Variants in MAX observed in about 807,000 individuals in gnomAD.
MAX encodes the protein protein max.
In MAX, 3 loss-of-function variants were observed where a neutral mutation model predicts 22.3. The observed-to-expected ratio is 0.13, with a 90% CI of 0.06 to 0.35. MAX has a LOEUF of 0.35. Ranked by LOEUF, MAX falls within the 10% of genes least tolerant of loss-of-function variation. MAX has a pLI of 1.00. For missense variants in MAX, 119 were observed against 209.4 expected (o/e 0.57, Z 2.66); for synonymous variants, 72 against 77.7 (o/e 0.93, Z 0.39).
intron 3 of MAX, among the ~76,000 whole-genome samples, chr14:65,038,617 C>T (rs1283158223): frequency 6.6e-6 from 1 of 152,006 alleles, no homozygotes; most frequent in Non-Finnish European, 1.5e-5. Flanking sequence ...ACTCAGGAGG[C>T]TGAGGCAGGA....
At chr14:65,101,156 A>T (rs1307405730) in intron 2 of MAX, among the ~76,000 whole-genome samples, 6 of 152,212 alleles carry the variant, frequency 3.9e-5, no homozygotes, top group Non-Finnish European at 8.8e-5. Flanking sequence ...ACACAATTAT[A>T]CAGATATGGT....
rs908372867 is a variant in MAX at position 65,047,736 on chromosome 14, C to G, written c.172-41452G>C. Among the ~76,000 whole-genome samples, 1 of 152,078 alleles carries G rather than the reference C, an allele frequency of 6.6e-6. No individual in the cohort carries two copies. The highest frequency in any genetic ancestry group is 6.6e-5 in the Admixed American group (1 of 15,258). On this transcript the variant is annotated intron_variant, in intron 3 of 3. Transcript: ENST00000341653. This position sits in a 1 kb window ranked among gnomAD's most constrained non-coding sequence, Gnocchi z 5.2. Reference sequence around the variant, plus strand: ...TTTCAATAGCAGCCTAAGTGCCTATCAAAAGGTTAAGGGTTAAATAATAAA... The same window carrying G: ...TTTCAATAGCAGCCTAAGTGCCTATGAAAAGGTTAAGGGTTAAATAATAAA...
In MAX at chr14:65,009,987, G is replaced by A. The variant is rs765849263; in HGVS notation, c.172-3703C>T. ...GCCCACACAGATGGGTGCTCCCTGCGTCCTGAGTGGACTTTCCTGAAAGAG... is the reference window on the plus strand; with the variant it reads ...GCCCACACAGATGGGTGCTCCCTGCATCCTGAGTGGACTTTCCTGAAAGAG... On this transcript the variant is annotated intron_variant, in intron 3 of 3. Coordinates refer to the MAX transcript ENST00000341653. The surrounding 1 kb of genome is among the most constrained non-coding windows in gnomAD (Gnocchi z 4.2). 3.3e-5 allele frequency among the ~76,000 whole-genome samples: 5 copies of A among 152,106 alleles called. No homozygotes were observed. Among genetic ancestry groups the A allele is most frequent in the South Asian group, 2.1e-4 (1 of 4,818 alleles).
At chr14:65,101,266 G>A (rs1287613035) in intron 2 of MAX, among the ~76,000 whole-genome samples, 4 of 152,112 alleles carry the variant, frequency 2.6e-5, no homozygotes, top group Non-Finnish European at 4.4e-5. Context: ...CTTACATAGT[G>A]GCATCTGGAT....
chr14:65,032,377 AG>A lies in MAX; in HGVS notation c.172-26094del. On this transcript the variant is annotated intron_variant, in intron 3 of 3. Transcript: ENST00000341653. This position sits in a 1 kb window ranked among gnomAD's most constrained non-coding sequence, Gnocchi z 5.0. ...GATGTAGATTGGACCATGTGGAGGT[AG>A]GGAGAATAGAATGTCATGTTCTTTC... The A allele has an allele frequency of 2.4e-6, 1 of 425,292 alleles. No homozygotes were observed. 26.3% of individuals were successfully genotyped at this position (425,292 alleles called of 1,614,324 possible).
chr14:65,099,936 T>G (rs140320776), intron 2 of MAX, among the ~76,000 whole-genome samples: 6 of 152,338 alleles, frequency 3.9e-5, no homozygotes, highest in African/African-American at 1.2e-4. Context: ...GTTTTCTTAA[T>G]GCCTATCTGC....
intron 3 of MAX, chr14:65,091,823 T>C (rs1004202595): frequency 8.5e-5 from 13 of 152,254 alleles, no homozygotes; most frequent in Admixed American, 3.3e-4. Flanking sequence ...TCTTACTTCA[T>C]TTTTTAATCA....
chr14:65,048,528 CA>C (rs1173470377), intron 3 of MAX, among the ~76,000 whole-genome samples: 1 of 152,124 alleles, frequency 6.6e-6, no homozygotes, highest in Non-Finnish European at 1.5e-5. Context: ...GTGTAAATGA[CA>C]GTATTTGAGT....
chr14:65,032,482 G>A lies in MAX; in HGVS notation c.172-26198C>T. On this transcript the variant is annotated intron_variant, in intron 3 of 3. Coordinates refer to the MAX transcript ENST00000341653. The surrounding 1 kb of genome is among the most constrained non-coding windows in gnomAD (Gnocchi z 5.0). ...TTGGAGACCCAGGAGGACTGACCGT[G>A]TGCCAAGAGTGAGGACAGGAGGTGA... 2 of 909,700 alleles carry A rather than the reference G, an allele frequency of 2.2e-6. No homozygotes were observed. Among genetic ancestry groups the A allele is most frequent in the South Asian group, 3.7e-5 (2 of 54,114 alleles). The allele number at this position is 909,700 out of a possible 1,614,324, so 56.4% of individuals were successfully genotyped here. A position where few individuals can be genotyped will look rare whatever the true frequency, so the allele number is the denominator to read the frequency against.
chr14:65,015,410 C>CT (rs888923691), intron 3 of MAX: 2,976 of 155,388 alleles, frequency 0.019, 25 homozygotes, highest in African/African-American at 0.035. Flanking sequence ...GCCTTGTTAT[C>CT]TTTTTTTTTT....
chr14:65,019,073 TGAG>T (rs2061836624), intron 3 of MAX, among the ~76,000 whole-genome samples: 8 of 152,148 alleles, frequency 5.3e-5, no homozygotes, highest in Admixed American at 4.6e-4. Flanking sequence ...CTCAGGAGGC[TGAG>T]GCAGGAGACT....
intron 3 of MAX, among the ~76,000 whole-genome samples, chr14:65,049,523 G>T (rs570943820): frequency 6.6e-6 from 1 of 152,266 alleles, no homozygotes; most frequent in Non-Finnish European, 1.5e-5. Context: ...GTGTGCTGGT[G>T]TCCAAATTCA....
chr14:65,075,105 G>A, downstream of MAX: 2 of 1,013,838 alleles, frequency 2.0e-6, no homozygotes, highest in Non-Finnish European at 2.4e-6. This position sits in a 1 kb window ranked among gnomAD's most constrained non-coding sequence, Gnocchi z 4.1. Context: ...CTTAACAAGG[G>A]TAAGAAGACA....
rs1372836736 is a variant in MAX at position 65,028,643 on chromosome 14, T to C, written c.172-22359A>G. ...TGTGGAGCATAAAATACATTACAGA[T>C]AATAGGTAATCAGGCTGCAAAGGCC... On this transcript the variant is annotated intron_variant, in intron 3 of 3. Transcript: ENST00000341653. The surrounding 1 kb of genome is among the most constrained non-coding windows in gnomAD (Gnocchi z 4.4). Among the ~76,000 whole-genome samples the C allele has an allele frequency of 6.6e-6, 1 of 152,176 alleles. No homozygotes were observed. The highest frequency in any genetic ancestry group is 1.5e-5 in the Non-Finnish European group (1 of 68,042).
intron 3 of MAX, among the ~76,000 whole-genome samples, chr14:65,019,874 A>T (rs1257895670): frequency 6.6e-6 from 1 of 152,222 alleles, no homozygotes; most frequent in Non-Finnish European, 1.5e-5. Flanking sequence ...CTTCTATATA[A>T]ATAGAAGATT....
intron 3 of MAX, among the ~76,000 whole-genome samples, chr14:65,089,020 T>C (rs1949605620): frequency 6.6e-6 from 1 of 152,194 alleles, no homozygotes; most frequent in Admixed American, 6.5e-5. Flanking sequence ...GCTCAGCATG[T>C]TATCTCATTA....
intron 3 of MAX, among the ~76,000 whole-genome samples, chr14:65,067,045 A>AC (rs2062938490): frequency 2.6e-5 from 4 of 151,040 alleles, no homozygotes; most frequent in Middle Eastern, 3.2e-3. Context: ...AATTAGTCGG[A>AC]TGCGGTGGCA....
chr14:65,075,126 G>A (rs140385876), downstream of MAX: 141 of 1,016,696 alleles, frequency 1.4e-4, 1 homozygote, highest in African/African-American at 2.3e-3. This position sits in a 1 kb window ranked among gnomAD's most constrained non-coding sequence, Gnocchi z 4.1. Context: ...CCACCACCAA[G>A]AAGGATAAAA....
rs1217943320 is a variant in MAX at position 65,044,542 on chromosome 14, GCT to G, written c.172-38260_172-38259del. 5.3e-6 allele frequency: 8 copies of G among 1,508,020 alleles called. No homozygotes were observed. In the South Asian group the frequency reaches 5.5e-5, roughly 10 times the overall value. The allele number at this position is 1,508,020 out of a possible 1,614,324, so 93.4% of individuals were successfully genotyped here. A position where few individuals can be genotyped will look rare whatever the true frequency, so the allele number is the denominator to read the frequency against. ...TGCTTTTTTAGAGGGGTTGAAATGA[GCT>G]CTGTCTATCCTGGATTTTGAGTGCC... On this transcript the variant is annotated intron_variant, in intron 3 of 3. Transcript: ENST00000341653. This position sits in a 1 kb window ranked among gnomAD's most constrained non-coding sequence, Gnocchi z 5.5.
Sources: allele counts gnomAD v4.1 joint callset (sites outside exome capture counted in the v4.1 genomes callset), GRCh38; gene constraint gnomAD v4.1.1; non-coding constraint Gnocchi (gnomAD v3.1); transcripts MANE v1.5; gene names NCBI Gene and HGNC (gene_info 2026-07-23, HGNC 2026-07-21).